OSTN: variants seen among roughly 807,000 people sequenced by gnomAD.
OSTN encodes osteocrin.
OSTN carries 9 observed loss-of-function variants against 12.0 expected under a neutral mutation model. That is an observed-to-expected ratio of 0.75 (90% CI 0.45 to 1.30). OSTN has a LOEUF of 1.30. Ranked by LOEUF, OSTN falls within the 50% of genes most tolerant of loss-of-function variation. OSTN has a pLI of 0.00. For synonymous variants in OSTN, 59 were observed against 56.9 expected (o/e 1.04, Z -0.16); for missense variants, 148 against 152.3 (o/e 0.97, Z 0.15).
intron 4 of OSTN, among the ~76,000 whole-genome samples, chr3:191,254,129 C>T (rs1335039813): frequency 1.3e-5 from 2 of 152,156 alleles, no homozygotes; most frequent in Non-Finnish European, 2.9e-5. Flanking sequence ...CAGAAGGTGG[C>T]ATGGGAGTTG....
At chr3:191,251,569 A>C (rs2108552861) in intron 4 of OSTN, among the ~76,000 whole-genome samples, 1 of 152,296 alleles carries the variant, frequency 6.6e-6, no homozygotes, top group South Asian at 2.1e-4. Context: ...ATGCTCTAAA[A>C]CCACAATAAA....
At chr3:191,223,067 G>A (rs575327328) in intron 3 of OSTN, among the ~76,000 whole-genome samples, 1 of 152,116 alleles carries the variant, frequency 6.6e-6, no homozygotes, top group South Asian at 2.1e-4. Flanking sequence ...CCAGTCTCAG[G>A]TATGTCCTTC....
intron 3 of OSTN, among the ~76,000 whole-genome samples, chr3:191,236,573 G>A (rs970474150): frequency 1.3e-5 from 2 of 151,650 alleles, no homozygotes; most frequent in African/African-American, 4.8e-5. Flanking sequence ...TCCTTGGGGA[G>A]ATGTGCGCTA....
intron 4 of OSTN, among the ~76,000 whole-genome samples, chr3:191,252,585 G>T (rs536705177): frequency 3.3e-5 from 5 of 152,238 alleles, no homozygotes; most frequent in African/African-American, 9.6e-5. Context: ...ATTTAGAAAA[G>T]AATTTATCAT....
At chr3:191,242,967 GA>G (rs142478953) in intron 3 of OSTN, among the ~76,000 whole-genome samples, 30 of 145,802 alleles carry the variant, frequency 2.1e-4, no homozygotes, top group East Asian at 1.8e-3. Flanking sequence ...ATGTTTAAAA[GA>G]AAAAAAAAAC....
At position 191,263,949 on chromosome 3, in the gene OSTN, A is replaced by C. The variant is rs1403813593; in HGVS notation, c.*1096A>C. ...TGCATTGGATATACTTTGAAAACAC[A>C]CAAAAAAAACTTTCTATGGAACAGA... is the stretch of plus-strand genomic sequence containing the variant. On this transcript the variant is annotated 3_prime_UTR_variant, in exon 5 of 5. Transcript: ENST00000682035. 8.6e-6 allele frequency: 1 copy of C among 115,916 alleles called. No individual in the cohort carries two copies. The highest frequency in any genetic ancestry group is 2.1e-5 in the Non-Finnish European group (1 of 47,532). The allele number at this position is 115,916 out of a possible 1,614,324, so 7.2% of individuals were successfully genotyped here.
chr3:191,232,290 G>A (rs1329751261), intron 3 of OSTN, among the ~76,000 whole-genome samples: 2 of 135,140 alleles, frequency 1.5e-5, no homozygotes, highest in African/African-American at 5.8e-5. Context: ...CCAAGATTGT[G>A]CCACAGCACT....
intron 3 of OSTN, among the ~76,000 whole-genome samples, chr3:191,230,562 CAAAAAAAA>C (rs35542147): frequency 1.6e-4 from 6 of 36,448 alleles, no homozygotes; most frequent in African/African-American, 5.0e-4. Context: ...GACTCCGTCT[CAAAAAAAA>C]AAAAAAAAAA....
At chr3:191,255,708 C>T (rs1488730018) in intron 4 of OSTN, among the ~76,000 whole-genome samples, 1 of 150,826 alleles carries the variant, frequency 6.6e-6, no homozygotes, top group African/African-American at 2.4e-5. Context: ...ATAAATAGCC[C>T]TAAAAAAAGT....
intron 3 of OSTN, among the ~76,000 whole-genome samples, chr3:191,225,060 T>C (rs1489261899): frequency 6.6e-6 from 1 of 152,024 alleles, no homozygotes; most frequent in East Asian, 1.9e-4. Flanking sequence ...GCTTTTATTA[T>C]ATCAACAAAA....
intron 1 of OSTN, among the ~76,000 whole-genome samples, chr3:191,207,578 T>G (rs1714310872): frequency 6.6e-6 from 1 of 152,222 alleles, no homozygotes; most frequent in Admixed American, 6.5e-5. Context: ...TCTCTTTTTT[T>G]CTACCCCAGC....
At chr3:191,211,503 G>A (rs774458451) in intron 1 of OSTN, among the ~76,000 whole-genome samples, 1 of 152,156 alleles carries the variant, frequency 6.6e-6, no homozygotes, top group African/African-American at 2.4e-5. Context: ...CAGTTTCTCA[G>A]TAGTATACAC....
chr3:191,220,490 C>T (rs1714734543), intron 3 of OSTN, among the ~76,000 whole-genome samples: 1 of 151,814 alleles, frequency 6.6e-6, no homozygotes, highest in African/African-American at 2.4e-5. Flanking sequence ...AATTGTAATA[C>T]AAGAAATGAT....
chr3:191,201,047 C>A (rs1265116665), intron 1 of OSTN, among the ~76,000 whole-genome samples: 1 of 152,130 alleles, frequency 6.6e-6, no homozygotes, highest in Non-Finnish European at 1.5e-5. Flanking sequence ...CTTAAATGAA[C>A]CAACTCTCCA....
chr3:191,212,703 A>G, intron 2 of OSTN, 69 bp downstream of exon 2: 1 of 442,950 alleles, frequency 2.3e-6, no homozygotes, highest in Non-Finnish European at 3.5e-6. Context: ...ATGTTTGTAT[A>G]TAAAAGAATA....
chr3:191,241,880 T>A (rs1715329182), intron 3 of OSTN, among the ~76,000 whole-genome samples: 1 of 152,090 alleles, frequency 6.6e-6, no homozygotes, highest in Admixed American at 6.5e-5. Flanking sequence ...TTAATGAGAA[T>A]AACATTATCT....
At chr3:191,233,992 C>CAA (rs770286956) in intron 3 of OSTN, among the ~76,000 whole-genome samples, 327 of 131,840 alleles carry the variant, frequency 2.5e-3, no homozygotes, top group African/African-American at 8.1e-3. Context: ...AACTCCATCT[C>CAA]AAAAAAAAAA....
At chr3:191,230,972 G>A (rs1029099515) in intron 3 of OSTN, among the ~76,000 whole-genome samples, 17 of 152,146 alleles carry the variant, frequency 1.1e-4, no homozygotes, top group African/African-American at 3.1e-4. Flanking sequence ...GCTCATCTAC[G>A]GGCTTCGGAA....
intron 4 of OSTN, among the ~76,000 whole-genome samples, chr3:191,261,282 G>T (rs1325057385): frequency 6.6e-6 from 1 of 152,134 alleles, no homozygotes; most frequent in Non-Finnish European, 1.5e-5. Context: ...GTATACAGGG[G>T]AGCCTTCAGA....
Sources: allele counts gnomAD v4.1 joint callset (sites outside exome capture counted in the v4.1 genomes callset), GRCh38; gene constraint gnomAD v4.1.1; transcripts MANE v1.5; gene names NCBI Gene and HGNC (gene_info 2026-07-23, HGNC 2026-07-21).